Variants in MYLK observed in about 807,000 individuals in gnomAD.
MYLK encodes myosin light chain kinase.
In MYLK, 106 loss-of-function variants were observed where a neutral mutation model predicts 203.4. That is an observed-to-expected ratio of 0.52 (90% CI 0.45 to 0.61). The LOEUF (loss-of-function observed/expected upper bound fraction) is 0.61, where lower values mean the gene tolerates loss of function less well. MYLK is among the 20% of genes least tolerant of loss of function. MYLK has a pLI of 0.00. For missense variants in MYLK, 2,072 were observed against 2,442.3 expected (o/e 0.85, Z 3.20); for synonymous variants, 867 against 959.5 (o/e 0.90, Z 1.78).
rs60647575 is a variant in MYLK at position 123,741,118 on chromosome 3, C to T, written c.374-1117G>A. 5.3e-3 allele frequency among the ~76,000 whole-genome samples: 800 copies of T among 152,292 alleles called. 5 individuals are homozygous for T. Among genetic ancestry groups the T allele is most frequent in the African/African-American group, 0.017 (697 of 41,540 alleles). On this transcript the variant is annotated intron_variant, in intron 5 of 33. Coordinates refer to ENST00000360304, the MANE Select transcript of MYLK (RefSeq NM_053025.4). ...GGAGGGTAGAGTCATCCTCTGATAT[C>T]AGCAGACAGTTGCTGTGGGGAATTT...
chr3:123,635,458 G>C, intron 29 of MYLK, among the ~76,000 whole-genome samples: 1 of 152,178 alleles, frequency 6.6e-6, no homozygotes, highest in East Asian at 1.9e-4. Flanking sequence ...TCACAGTGGG[G>C]GTCCAGGAGC....
chr3:123,862,625 T>C (rs1167131034), intron 2 of MYLK, among the ~76,000 whole-genome samples: 1 of 152,220 alleles, frequency 6.6e-6, no homozygotes, highest in African/African-American at 2.4e-5. Flanking sequence ...CTCTTGCTCA[T>C]GTCACCCTTA....
At chr3:123,687,629 TTTCCTTCCTTCCCTCC>T (rs926949706) in intron 19 of MYLK, among the ~76,000 whole-genome samples, 3 of 150,924 alleles carry the variant, frequency 2.0e-5, no homozygotes, top group Non-Finnish European at 3.0e-5. Flanking sequence ...CCTTCCTTCC[TTTCCTTCCTTCCCTCC>T]TTCCTTCCTT....
At chr3:123,813,930 G>A (rs891803569) in intron 3 of MYLK, 1 of 153,620 alleles carries the variant, frequency 6.5e-6, no homozygotes, top group Non-Finnish European at 1.5e-5. Context: ...CCAAATGAGA[G>A]CTCTTGAGAA....
intron 11 of MYLK, among the ~76,000 whole-genome samples, chr3:123,732,549 A>G (rs562661621): frequency 6.6e-6 from 1 of 152,166 alleles, no homozygotes; most frequent in Non-Finnish European, 1.5e-5. Flanking sequence ...ATCATCTCAC[A>G]TTACTCTAAA....
intron 5 of MYLK, among the ~76,000 whole-genome samples, chr3:123,740,594 C>T (rs1055388542): frequency 3.9e-5 from 6 of 152,248 alleles, no homozygotes; most frequent in Admixed American, 2.6e-4. Flanking sequence ...GCAGCTCCTG[C>T]AGAATCTGCA....
intron 4 of MYLK, among the ~76,000 whole-genome samples, chr3:123,754,584 G>C (rs1322800106): frequency 6.6e-6 from 1 of 152,144 alleles, no homozygotes; most frequent in Non-Finnish European, 1.5e-5. Context: ...GGCTGACAGT[G>C]TTGAAGGAGA....
intron 2 of MYLK, among the ~76,000 whole-genome samples, chr3:123,863,175 G>A (rs927847991): frequency 1.3e-5 from 2 of 151,880 alleles, no homozygotes; most frequent in African/African-American, 4.8e-5. Context: ...CTAGAACAAC[G>A]GATATCCACA....
Position 123,707,901 on chromosome 3 carries a change from G to A in MYLK, c.2243C>T (p.Pro748Leu). Residue 748 changes from proline to leucine, a missense_variant, in exon 16 of 34, where the codon CCC becomes CTC. Physicochemically the swap from Pro to Leu is moderately conservative, Grantham distance 98. Around this residue, in one of 3 missense-constraint regions of MYLK, gnomAD observed 865 missense variants for 1,016.0 expected, o/e 0.85. Coordinates refer to ENST00000360304, the MANE Select transcript of MYLK (RefSeq NM_053025.4). ...VLISCAIAGD[P>L]FPTVHWLRDG... ...TCTGAGCCAGTGCACGGTAGGAAAGGGGTCACCAGCTATGGCGCAGGAGAT... is the reference window on the plus strand; with the variant it reads ...TCTGAGCCAGTGCACGGTAGGAAAGAGGTCACCAGCTATGGCGCAGGAGAT... 6.2e-7 allele frequency: 1 copy of A among 1,614,220 alleles called. No individual in the cohort carries two copies. Among genetic ancestry groups the A allele is most frequent in the Non-Finnish European group, 8.5e-7 (1 of 1,180,040 alleles).
chr3:123,873,959 T>C (rs2032990706), intron 2 of MYLK, among the ~76,000 whole-genome samples: 1 of 152,056 alleles, frequency 6.6e-6, no homozygotes, highest in Non-Finnish European at 1.5e-5. Flanking sequence ...ATGTTCAATA[T>C]GTATATGCCA....
chr3:123,633,677 A>G (rs75757866), intron 29 of MYLK, among the ~76,000 whole-genome samples: 2,526 of 152,266 alleles, frequency 0.017, 82 homozygotes, highest in African/African-American at 0.058. Context: ...ATGAAACACA[A>G]TGGTCATGAA....
In MYLK at chr3:123,620,295, A is replaced by C. The variant is rs547331411; in HGVS notation, c.5280T>G (p.Ser1760=). 42 of 1,614,146 alleles carry C rather than the reference A, an allele frequency of 2.6e-5. No individual in the cohort carries two copies. Among genetic ancestry groups the C allele is most frequent in the Admixed American group, 2.5e-4 (15 of 60,012 alleles). ...NAVRAIGRLS[S]MAMISGLSGR... ...CACTGAGCCCTGAGATCATTGCCAT[A>C]GAGGACAGTCTTCCAATGGCTCTCA... The change falls in exon 32 of 34, where the codon TCT becomes TCG. Residue 1760 remains serine (S), a synonymous_variant. Coordinates refer to ENST00000360304, the MANE Select transcript of MYLK (RefSeq NM_053025.4).
In MYLK at chr3:123,734,120, G is replaced by C. The variant is rs1258190462; in HGVS notation, c.876C>G (p.Ala292=). ...ESKLDSLEAA[A]KSKNCSSPQR... ...GGGGGCTGGAGCAGTTCTTGCTTTT[G>C]GCTGCAGCCTCCAGACTGTCCAGCT... Residue 292 remains alanine, a synonymous_variant, in exon 10 of 34, where the codon GCC becomes GCG. Transcript: ENST00000360304. 6.3e-7 allele frequency: 1 copy of C among 1,599,108 alleles called. No individual in the cohort carries two copies. The highest frequency in any genetic ancestry group is 8.5e-7 in the Non-Finnish European group (1 of 1,172,232).
chr3:123,721,280 A>T (rs1451499430), intron 13 of MYLK, among the ~76,000 whole-genome samples: 3 of 152,048 alleles, frequency 2.0e-5, no homozygotes, highest in African/African-American at 7.3e-5. Flanking sequence ...CTGATGGGAG[A>T]CCAGTCACGC....
chr3:123,724,128 G>C (rs1299091748), intron 12 of MYLK, among the ~76,000 whole-genome samples: 1 of 144,398 alleles, frequency 6.9e-6, no homozygotes, highest in African/African-American at 2.5e-5. Context: ...GCTAAGCCTG[G>C]CTAAGTTTTG....
chr3:123,748,289 G>T (rs370689494), intron 5 of MYLK, among the ~76,000 whole-genome samples: 3 of 152,194 alleles, frequency 2.0e-5, no homozygotes, highest in African/African-American at 7.2e-5. Context: ...AGCCATTCAT[G>T]AGGGATCCAT....
chr3:123,643,121 T>C (rs768038762), intron 27 of MYLK, among the ~76,000 whole-genome samples: 24 of 152,230 alleles, frequency 1.6e-4, no homozygotes, highest in Non-Finnish European at 2.9e-4. Context: ...TGGGCATCCA[T>C]GGCCTTATGT....
chr3:123,620,109 T>A (rs820457), intron 32 of MYLK, 98 bp downstream of exon 32: 195,855 of 869,572 alleles, frequency 0.23, 21,797 homozygotes, highest in African/African-American at 0.66. Flanking sequence ...AATATTAAAA[T>A]AAAAAAAAAA....
At chr3:123,837,978 A>G (rs1291263882) in intron 2 of MYLK, among the ~76,000 whole-genome samples, 1 of 152,236 alleles carries the variant, frequency 6.6e-6, no homozygotes, top group East Asian at 1.9e-4. Flanking sequence ...CAGAAAGAGA[A>G]GAAATAGAGG....
Sources: gnomAD v4.1 joint callset for allele counts (sites outside exome capture counted in the v4.1 genomes callset) on GRCh38, gnomAD v4.1.1 for gene constraint, gnomAD v4.1.1 regional missense constraint, MANE v1.5 for transcripts, NCBI Gene and HGNC (gene_info 2026-07-23, HGNC 2026-07-21) for gene names.